Variants in RFX7 observed in about 807,000 individuals in gnomAD.
RFX7 encodes regulatory factor X7.
In RFX7, 26 loss-of-function variants were observed where a neutral mutation model predicts 111.8. That is an observed-to-expected ratio of 0.23 (90% confidence interval 0.17 to 0.32). The LOEUF (loss-of-function observed/expected upper bound fraction) is 0.32. RFX7 is among the 10% of genes least tolerant of loss of function. RFX7 has a pLI of 1.00. For synonymous variants in RFX7, 624 were observed against 624.4 expected, an observed-to-expected ratio of 1.00 and a Z score of 0.01; for missense variants, 1,573 against 1,772.9, an observed-to-expected ratio of 0.89 and a Z score of 2.02.
At chr15:56,131,881 C>T (rs1361224994) in intron 5 of RFX7, among the ~76,000 whole-genome samples, 1 of 151,438 alleles carries the variant, frequency 6.6e-6, no homozygotes, top group Admixed American at 6.6e-5. Context: ...AAAATAAGGA[C>T]TAAACAAAAT....
chr15:56,115,909 T>C (rs2140952046), intron 5 of RFX7, among the ~76,000 whole-genome samples: 1 of 149,414 alleles, frequency 6.7e-6, no homozygotes, highest in South Asian at 2.1e-4. Context: ...GCCACTGCAC[T>C]CCAGCCTGGG....
chr15:56,136,329 C>G (rs1297310970), intron 5 of RFX7, among the ~76,000 whole-genome samples: 1 of 137,336 alleles, frequency 7.3e-6, no homozygotes, highest in South Asian at 2.7e-4. Context: ...AGAGGTCCTT[C>G]ACATCCCTTG....
chr15:56,240,063 T>C (rs1448253576), intron 2 of RFX7, among the ~76,000 whole-genome samples: 2 of 148,534 alleles, frequency 1.3e-5, no homozygotes, highest in African/African-American at 2.5e-5. Flanking sequence ...TTAGGTTGGG[T>C]TGTGGCCTTG....
At chr15:56,168,993 G>A (rs538639056) in intron 3 of RFX7, among the ~76,000 whole-genome samples, 1 of 152,268 alleles carries the variant, frequency 6.6e-6, no homozygotes, top group African/African-American at 2.4e-5. Flanking sequence ...ACTACTTTAA[G>A]CCACCAGTTG....
chr15:56,190,081 C>T (rs963434709), intron 2 of RFX7, among the ~76,000 whole-genome samples: 6 of 152,032 alleles, frequency 3.9e-5, no homozygotes, highest in Non-Finnish European at 8.8e-5. Flanking sequence ...ATATAAAACA[C>T]CTAGAAAAGT....
intron 3 of RFX7, among the ~76,000 whole-genome samples, chr15:56,155,785 G>T (rs1439883935): frequency 1.3e-5 from 2 of 150,842 alleles, no homozygotes; most frequent in Non-Finnish European, 2.9e-5. Flanking sequence ...GTGGAAACAA[G>T]AAAAAGTCTC....
Position 56,243,132 on chromosome 15 carries a change from A to C in RFX7, c.154T>G (p.Ser52Ala). 4.4e-6 allele frequency: 6 copies of C among 1,357,444 alleles called. No homozygotes were observed. Among genetic ancestry groups the C allele is most frequent in the Non-Finnish European group, 5.9e-6 (6 of 1,018,646 alleles). The allele number at this position is 1,357,444 out of a possible 1,614,324, so 84.1% of individuals were successfully genotyped here. Residue 52 changes from serine to alanine, a missense_variant, in exon 2 of 10, where the codon TCC (serine) becomes GCC (alanine). Coordinates refer to ENST00000559447, the MANE Select transcript of RFX7 (RefSeq NM_022841.7). ...ASALQHKIKN[S>A]ICKTVQSKVD... ...GATGGAGGATCCTCTTACCAGATGG[A>C]GTTCTTGATCTTGTGTTGCAGCGCG...
At chr15:56,205,450 C>G (rs1291021544) in intron 2 of RFX7, among the ~76,000 whole-genome samples, 2 of 152,184 alleles carry the variant, frequency 1.3e-5, no homozygotes, top group Admixed American at 6.5e-5. Context: ...AACCTTCTTT[C>G]AGTTATATTG....
At chr15:56,110,246 C>T (rs1219348759) in intron 5 of RFX7, among the ~76,000 whole-genome samples, 474 of 83,376 alleles carry the variant, frequency 5.7e-3, no homozygotes, top group Middle Eastern at 0.017. Flanking sequence ...CCCGGCCAGC[C>T]GCCCCGTCCG....
chr15:56,234,950 T>C (rs1417859371), intron 2 of RFX7, among the ~76,000 whole-genome samples: 2 of 152,192 alleles, frequency 1.3e-5, no homozygotes, highest in Admixed American at 6.5e-5. Flanking sequence ...ACTCAGATCA[T>C]TGTTCCCCTG....
intron 2 of RFX7, among the ~76,000 whole-genome samples, chr15:56,237,923 G>A (rs1415673572): frequency 6.6e-6 from 1 of 152,102 alleles, no homozygotes; most frequent in African/African-American, 2.4e-5. Flanking sequence ...TGTGTGCTTG[G>A]TATTGAAGAC....
intron 5 of RFX7, among the ~76,000 whole-genome samples, chr15:56,134,068 T>A (rs1235011349): frequency 6.6e-6 from 1 of 152,182 alleles, no homozygotes; most frequent in Non-Finnish European, 1.5e-5. Flanking sequence ...ACTTGTCCAA[T>A]GTTTTCTACC....
chr15:56,210,570 T>G (rs1393880533), intron 2 of RFX7, among the ~76,000 whole-genome samples: 2 of 152,014 alleles, frequency 1.3e-5, no homozygotes, highest in Non-Finnish European at 2.9e-5. Context: ...TTAAAACACA[T>G]CTTAACAAAT....
At chr15:56,153,601 G>A (rs2042607337) in intron 3 of RFX7, among the ~76,000 whole-genome samples, 1 of 152,114 alleles carries the variant, frequency 6.6e-6, no homozygotes, top group South Asian at 2.1e-4. Context: ...ACCCCTTCAT[G>A]CTAAAACCTC....
intron 5 of RFX7, among the ~76,000 whole-genome samples, chr15:56,107,093 C>T (rs552580182): frequency 3.3e-4 from 50 of 152,012 alleles, no homozygotes; most frequent in African/African-American, 1.1e-3. Flanking sequence ...GTCAGGAGAT[C>T]GAGACCATCC....
intron 5 of RFX7, among the ~76,000 whole-genome samples, chr15:56,108,918 A>C (rs1189720802): frequency 1.3e-5 from 2 of 152,244 alleles, no homozygotes; most frequent in East Asian, 1.9e-4. Context: ...GCAGAGAGCC[A>C]AATCATGAAT....
intron 2 of RFX7, among the ~76,000 whole-genome samples, chr15:56,202,490 A>C (rs938730442): frequency 1.3e-5 from 2 of 152,170 alleles, no homozygotes; most frequent in African/African-American, 2.4e-5. Flanking sequence ...TCTATGGCAC[A>C]GCATGTCTCA....
At chr15:56,103,998 T>G (rs2041795841) in intron 5 of RFX7, among the ~76,000 whole-genome samples, 1 of 152,224 alleles carries the variant, frequency 6.6e-6, no homozygotes, top group African/African-American at 2.4e-5. Context: ...GGCTGTAAGT[T>G]TCCACATATG....
At chr15:56,150,792 C>T (rs1256369039) in intron 3 of RFX7, among the ~76,000 whole-genome samples, 1 of 152,110 alleles carries the variant, frequency 6.6e-6, no homozygotes, top group Admixed American at 6.5e-5. Flanking sequence ...CAGGTTCTAA[C>T]CCAATGCAAG....
Sources: gnomAD v4.1 joint callset for allele counts (sites outside exome capture counted in the v4.1 genomes callset) on GRCh38, gnomAD v4.1.1 for gene constraint, MANE v1.5 for transcripts, NCBI Gene and HGNC (gene_info 2026-07-23, HGNC 2026-07-21) for gene names.